Variants in DCC observed in about 807,000 individuals in gnomAD.
DCC encodes netrin receptor DCC.
In DCC, 58 loss-of-function variants were observed where a neutral mutation model predicts 172.5. That is an observed-to-expected ratio of 0.34 (90% CI 0.27 to 0.42). The LOEUF (loss-of-function observed/expected upper bound fraction) is 0.42, where lower values mean the gene tolerates loss of function less well. DCC is among the 10% of genes least tolerant of loss of function. The pLI is 1.00. For missense variants in DCC, 1,740 were observed against 1,791.0 expected (o/e 0.97, Z 0.51); for synonymous variants, 709 against 644.5 (o/e 1.10, Z -1.52).
At position 52,916,047 on chromosome 18, in the gene DCC, G is replaced by A. The variant is rs573877513; in HGVS notation, c.698-7660G>A. Among the ~76,000 whole-genome samples, 7 of 152,148 alleles carry A rather than the reference G, an allele frequency of 4.6e-5. No homozygotes were observed. In the East Asian group the frequency reaches 1.4e-3, roughly 29 times the overall value. On this transcript the variant is annotated intron_variant, in intron 3 of 28. Coordinates refer to ENST00000442544, the MANE Select transcript of DCC (RefSeq NM_005215.4). ...GCTTAAGAATGTCCATGAAAAAGCA[G>A]TGAAAATTATTAATTTTATTGTCTC...
At chr18:52,880,153 A>G (rs1001680954) in intron 2 of DCC, among the ~76,000 whole-genome samples, 9 of 151,472 alleles carry the variant, frequency 5.9e-5, no homozygotes, top group African/African-American at 2.2e-4. Flanking sequence ...TCTTTTTGAG[A>G]CAGGGTTTCA....
At chr18:53,491,591 T>C (rs1447741482) in intron 26 of DCC, among the ~76,000 whole-genome samples, 2 of 152,080 alleles carry the variant, frequency 1.3e-5, no homozygotes, top group Non-Finnish European at 2.9e-5. Flanking sequence ...CATGTGGTGT[T>C]TGGTTTTCTG....
intron 2 of DCC, among the ~76,000 whole-genome samples, chr18:52,841,599 G>A (rs2038808737): frequency 6.6e-6 from 1 of 152,144 alleles, no homozygotes; most frequent in African/African-American, 2.4e-5. Context: ...GTGAGATTCA[G>A]GACCTATTCT....
At chr18:53,128,870 C>CACACATATATAT (rs1300738812) in intron 7 of DCC, among the ~76,000 whole-genome samples, 101 of 77,430 alleles carry the variant, frequency 1.3e-3, no homozygotes, top group Non-Finnish European at 1.7e-3. Context: ...CACACACACA[C>CACACATATATAT]ATATATATAT....
chr18:53,096,007 G>A (rs1233058214), intron 7 of DCC, among the ~76,000 whole-genome samples: 1 of 151,908 alleles, frequency 6.6e-6, no homozygotes, highest in African/African-American at 2.4e-5. Context: ...TGATTTCAGA[G>A]GTCAGGAGTT....
intron 1 of DCC, among the ~76,000 whole-genome samples, chr18:52,599,640 G>T (rs1314265944): frequency 1.3e-5 from 2 of 151,960 alleles, no homozygotes; most frequent in Non-Finnish European, 2.9e-5. Context: ...TCAGCCTCCT[G>T]AGTAGCTGGG....
chr18:53,144,096 C>T (rs2043870374), intron 7 of DCC, among the ~76,000 whole-genome samples: 1 of 152,188 alleles, frequency 6.6e-6, no homozygotes, highest in African/African-American at 2.4e-5. Flanking sequence ...TTACCACCTT[C>T]TTCTCTTTGA....
chr18:53,080,701 C>T (rs986522410), intron 7 of DCC, among the ~76,000 whole-genome samples: 1 of 152,072 alleles, frequency 6.6e-6, no homozygotes, highest in Non-Finnish European at 1.5e-5. Flanking sequence ...AGTGGCAACT[C>T]TGCTCATGGA....
intron 12 of DCC, among the ~76,000 whole-genome samples, chr18:53,301,681 C>A (rs2057143735): frequency 6.6e-6 from 1 of 151,820 alleles, no homozygotes. Context: ...TCTTAGTTTA[C>A]CAGTTTTAAT....
intron 2 of DCC, among the ~76,000 whole-genome samples, chr18:52,887,386 C>T (rs1175047035): frequency 2.6e-5 from 4 of 151,854 alleles, no homozygotes; most frequent in African/African-American, 9.7e-5. Context: ...CTTTGTGCTG[C>T]CTAATGCTTT....
chr18:53,038,575 ATCTCCTT>A (rs2042125966), intron 5 of DCC, among the ~76,000 whole-genome samples: 2 of 152,016 alleles, frequency 1.3e-5, no homozygotes, highest in Non-Finnish European at 2.9e-5. Flanking sequence ...CCTCAAAATC[ATCTCCTT>A]TAGATAGCTA....
chr18:53,415,267 G>A (rs953259858), intron 20 of DCC, among the ~76,000 whole-genome samples: 7 of 152,138 alleles, frequency 4.6e-5, no homozygotes, highest in Middle Eastern at 3.4e-3. Flanking sequence ...GGAAGCAATC[G>A]GCAAGTGTTG....
At chr18:52,463,583 G>A (rs1183373753) in intron 1 of DCC, among the ~76,000 whole-genome samples, 1 of 152,186 alleles carries the variant, frequency 6.6e-6, no homozygotes, top group Non-Finnish European at 1.5e-5. Flanking sequence ...CAACTGAGTA[G>A]TAAATACTGG....
intron 1 of DCC, among the ~76,000 whole-genome samples, chr18:52,607,306 T>C (rs2034153213): frequency 6.6e-6 from 1 of 152,112 alleles, no homozygotes; most frequent in African/African-American, 2.4e-5. Flanking sequence ...TAGCCCCTAC[T>C]TGCAAAGGGA....
At chr18:52,667,532 C>T (rs1278268538) in intron 1 of DCC, among the ~76,000 whole-genome samples, 1 of 152,138 alleles carries the variant, frequency 6.6e-6, no homozygotes, top group Non-Finnish European at 1.5e-5. Context: ...GGTGTCAAAG[C>T]TATCTTAGAA....
At chr18:53,314,326 A>T (rs1238944928) in intron 13 of DCC, among the ~76,000 whole-genome samples, 1 of 152,218 alleles carries the variant, frequency 6.6e-6, no homozygotes, top group Admixed American at 6.5e-5. Flanking sequence ...AAGGTTTGAT[A>T]AAAAAGTTAC....
chr18:53,267,110 T>TCACA (rs140978906), intron 12 of DCC, among the ~76,000 whole-genome samples: 264 of 137,420 alleles, frequency 1.9e-3, no homozygotes, highest in Admixed American at 2.5e-3. Flanking sequence ...ACTCTCTCTC[T>TCACA]CACACACACA....
At chr18:52,912,066 T>G (rs550932007) in intron 3 of DCC, among the ~76,000 whole-genome samples, 18 of 151,974 alleles carry the variant, frequency 1.2e-4, no homozygotes, top group Non-Finnish European at 2.7e-4. Flanking sequence ...TAATAAATAT[T>G]AAAAGTTCCC....
At chr18:52,479,947 C>A (rs900042863) in intron 1 of DCC, among the ~76,000 whole-genome samples, 1 of 152,008 alleles carries the variant, frequency 6.6e-6, no homozygotes, top group Non-Finnish European at 1.5e-5. Context: ...TGACAATAGA[C>A]CCTCCTACTA....
Sources: gnomAD v4.1 joint callset for allele counts (sites outside exome capture counted in the v4.1 genomes callset) on GRCh38, gnomAD v4.1.1 for gene constraint, MANE v1.5 for transcripts, NCBI Gene and HGNC (gene_info 2026-07-23, HGNC 2026-07-21) for gene names.